Variants in CADPS observed in about 807,000 individuals in gnomAD.
The protein encoded by CADPS is calcium dependent secretion activator.
CADPS carries 57 observed loss-of-function variants against 167.3 expected under a neutral mutation model. The observed-to-expected ratio is 0.34, with a 90% CI of 0.28 to 0.42. The LOEUF is 0.42. Ranked by LOEUF, CADPS falls within the 20% of genes least tolerant of loss-of-function variation. CADPS has a pLI of 1.00. For synonymous variants in CADPS, 676 were observed against 635.3 expected, an observed-to-expected ratio of 1.06 and a Z score of -0.96; for missense variants, 1,414 against 1,738.1, an observed-to-expected ratio of 0.81 and a Z score of 3.32.
intron 3 of CADPS, among the ~76,000 whole-genome samples, chr3:62,705,400 C>A (rs1296938228): frequency 6.6e-6 from 1 of 152,066 alleles, no homozygotes; most frequent in Non-Finnish European, 1.5e-5. Context: ...AAGGGATATC[C>A]CAGGTGCGAT....
At chr3:62,628,625 C>CTTT (rs35812851) in intron 6 of CADPS, among the ~76,000 whole-genome samples, 4 of 145,444 alleles carry the variant, frequency 2.8e-5, no homozygotes, top group Non-Finnish European at 1.5e-5. Context: ...AACCATGAGC[C>CTTT]TTTTTTTTTT....
rs796538312 is a variant in CADPS at position 62,469,855 on chromosome 3, C to T, written c.3478-3442G>A. 5.9e-5 allele frequency among the ~76,000 whole-genome samples: 9 copies of T among 152,276 alleles called. 1 individual carries two copies. The highest frequency in any genetic ancestry group is 2.2e-4 in the African/African-American group (9 of 41,558). The stretch of plus-strand genomic sequence containing the variant: ...CTTGCCCTATACTCCAAAATTATAT[C>T]CTGAGGGAACTACTAATATTCAATG... On this transcript the variant is annotated intron_variant, in intron 24 of 29. Coordinates refer to ENST00000383710, the MANE Select transcript of CADPS (RefSeq NM_003716.4).
chr3:62,615,762 G>A (rs1291350603), intron 6 of CADPS, among the ~76,000 whole-genome samples: 1 of 152,074 alleles, frequency 6.6e-6, no homozygotes, highest in East Asian at 1.9e-4. Flanking sequence ...GAATGAGAAA[G>A]TGGAAGAAAA....
intron 24 of CADPS, among the ~76,000 whole-genome samples, chr3:62,468,408 T>C (rs1385636568): frequency 6.6e-6 from 1 of 152,160 alleles, no homozygotes; most frequent in African/African-American, 2.4e-5. Context: ...AAGAACATCA[T>C]TGAGAAACAA....
chr3:62,712,784 C>T (rs1383742452), intron 3 of CADPS, among the ~76,000 whole-genome samples: 8 of 152,160 alleles, frequency 5.3e-5, no homozygotes, highest in Non-Finnish European at 1.0e-4. Flanking sequence ...AGATGTTTGG[C>T]ACTAAAATCT....
intron 4 of CADPS, among the ~76,000 whole-genome samples, chr3:62,659,896 C>A (rs1193471998): frequency 6.6e-6 from 1 of 152,172 alleles, no homozygotes; most frequent in African/African-American, 2.4e-5. Context: ...CTCATAGAAA[C>A]CCTCAATACC....
intron 6 of CADPS, among the ~76,000 whole-genome samples, chr3:62,605,559 G>A (rs780313262): frequency 3.9e-5 from 6 of 152,180 alleles, no homozygotes; most frequent in Non-Finnish European, 7.3e-5. Flanking sequence ...AGCAGTCAGC[G>A]TTATCTGGGC....
intron 1 of CADPS, among the ~76,000 whole-genome samples, chr3:62,798,652 C>T (rs540722011): frequency 2.0e-5 from 3 of 150,690 alleles, no homozygotes; most frequent in African/African-American, 7.5e-5. Flanking sequence ...ATTTTCTACT[C>T]ATCTTTTAAA....
chr3:62,566,589 A>C (rs1165461798), intron 9 of CADPS, among the ~76,000 whole-genome samples: 1 of 72,628 alleles, frequency 1.4e-5, no homozygotes, highest in African/African-American at 2.7e-5. Flanking sequence ...TAAATAGGGG[A>C]GAAGAAAAAA....
At chr3:62,866,838 T>C (rs1387858471) in intron 1 of CADPS, among the ~76,000 whole-genome samples, 1 of 151,994 alleles carries the variant, frequency 6.6e-6, no homozygotes, top group Non-Finnish European at 1.5e-5. Context: ...TAATAATTTT[T>C]CCCCATTTTA....
chr3:62,843,492 GGTGTGTGTGTGT>G (rs150223612), intron 1 of CADPS, among the ~76,000 whole-genome samples: 4 of 149,016 alleles, frequency 2.7e-5, no homozygotes, highest in Non-Finnish European at 6.0e-5. Context: ...TGGCAGTTGG[GGTGTGTGTGTGT>G]GTGTGTGTGT....
intron 1 of CADPS, among the ~76,000 whole-genome samples, chr3:62,770,482 G>C (rs1226029089): frequency 2.6e-5 from 4 of 152,142 alleles, no homozygotes; most frequent in Admixed American, 2.0e-4. Context: ...CTGGAGTGCA[G>C]TGGTGCCATG....
chr3:62,405,807 T>C (rs1164597279), intron 28 of CADPS, among the ~76,000 whole-genome samples: 3 of 152,298 alleles, frequency 2.0e-5, no homozygotes, highest in Non-Finnish European at 4.4e-5. Context: ...TTCCAAACCT[T>C]ATGCTCAGGA....
intron 6 of CADPS, among the ~76,000 whole-genome samples, chr3:62,600,856 C>T (rs1317683858): frequency 6.6e-6 from 1 of 152,156 alleles, no homozygotes; most frequent in Non-Finnish European, 1.5e-5. Context: ...TAGTGGTCTG[C>T]ACCTGTAGTC....
At chr3:62,619,984 C>T (rs1290288473) in intron 6 of CADPS, among the ~76,000 whole-genome samples, 1 of 151,928 alleles carries the variant, frequency 6.6e-6, no homozygotes, top group African/African-American at 2.4e-5. Flanking sequence ...GTTTGGCATG[C>T]TTGGTAGTAG....
chr3:62,745,637 A>G (rs1055935618), intron 3 of CADPS, among the ~76,000 whole-genome samples: 2 of 152,196 alleles, frequency 1.3e-5, no homozygotes, highest in African/African-American at 4.8e-5. Context: ...ATAAAACAGG[A>G]GTACCAGCAG....
intron 3 of CADPS, among the ~76,000 whole-genome samples, chr3:62,717,687 T>G (rs1428301327): frequency 3.3e-5 from 5 of 152,192 alleles, no homozygotes; most frequent in Non-Finnish European, 1.5e-5. Flanking sequence ...GATTCCTACC[T>G]GGTCTCCCTA....
At chr3:62,865,662 T>C (rs2081556550) in intron 1 of CADPS, among the ~76,000 whole-genome samples, 1 of 152,160 alleles carries the variant, frequency 6.6e-6, no homozygotes, top group Non-Finnish European at 1.5e-5. Context: ...TAATTTTCTT[T>C]GACTAGTGAA....
intron 3 of CADPS, among the ~76,000 whole-genome samples, chr3:62,705,321 C>T (rs575551149): frequency 6.2e-4 from 95 of 152,226 alleles, no homozygotes; most frequent in Admixed American, 1.8e-3. Context: ...TCCTCCTTTG[C>T]CCACAGATAT....
Sources: allele counts gnomAD v4.1 joint callset (sites outside exome capture counted in the v4.1 genomes callset), GRCh38; gene constraint gnomAD v4.1.1; transcripts MANE v1.5; gene names NCBI Gene and HGNC (gene_info 2026-07-23, HGNC 2026-07-21).